MYO1D: variants seen among roughly 807,000 people sequenced by gnomAD.
MYO1D encodes myosin ID, also known as unconventional myosin-Id.
In MYO1D, 83 loss-of-function variants were observed where a neutral mutation model predicts 122.0. The observed-to-expected ratio is 0.68, with a 90% CI of 0.57 to 0.82. The LOEUF is 0.82. Ranked by LOEUF, MYO1D falls within the 40% of genes least tolerant of loss-of-function variation. MYO1D has a pLI of 0.00. For synonymous variants in MYO1D, 464 were observed against 446.9 expected (o/e 1.04, Z -0.48); for missense variants, 1,157 against 1,269.5 (o/e 0.91, Z 1.35).
At position 32,549,005 on chromosome 17, in the gene MYO1D, G is replaced by A. The variant is rs573194479; in HGVS notation, c.2865-54090C>T. Among the ~76,000 whole-genome samples the A allele has an allele frequency of 6.6e-5, 10 of 152,138 alleles. 1 individual carries two copies. Among genetic ancestry groups the A allele is most frequent in the South Asian group, 4.2e-4 (2 of 4,816 alleles). On this transcript the variant is annotated intron_variant, in intron 21 of 21. Transcript: ENST00000318217. ...TGGGATTACAGGCGTGAGCCACCGC[G>A]CCTGGCCGACTTTTAATTATTTTTA...
At position 32,788,054 on chromosome 17, in the gene MYO1D, C is replaced by CGT. The variant is rs149464476; in HGVS notation, c.96-7272_96-7271dup. Among the ~76,000 whole-genome samples the CGT allele has an allele frequency of 6.5e-3, 977 of 150,786 alleles. 13 individuals carry two copies. The highest frequency in any genetic ancestry group is 0.017 in the African/African-American group (693 of 41,194). ...CAATTGCAAATTGTACTGCTATAAACGTGTGTGTGTGTGTGTGTCTGTTTC... is the reference window on the plus strand; with the variant it reads ...CAATTGCAAATTGTACTGCTATAAACGTGTGTGTGTGTGTGTGTGTCTGTTTC... On this transcript the variant is annotated intron_variant, in intron 1 of 21. Transcript: ENST00000318217.
rs74380075 is a variant in MYO1D, at chr17:32,814,052, A to T, written c.96-33268T>A. Among the ~76,000 whole-genome samples, 669 of 152,328 alleles carry T rather than the reference A, an allele frequency of 4.4e-3. 18 individuals carry two copies. The highest frequency in any genetic ancestry group is 0.031 in the East Asian group (162 of 5,172). ...TGCCAGAGTTCAGGTCAGCCATCTA[A>T]AAAACACTTCTTGCCAGGAGTGGTG... On this transcript the variant is annotated intron_variant, in intron 1 of 21. Coordinates refer to ENST00000318217, the MANE Select transcript of MYO1D (RefSeq NM_015194.3).
Position 32,734,352 on chromosome 17 carries a change from CT to C in MYO1D, c.1746+3900del, listed in dbSNP as rs371907383. Among the ~76,000 whole-genome samples, 423 of 152,010 alleles carry C rather than the reference CT, an allele frequency of 2.8e-3. 3 individuals carry two copies. Among genetic ancestry groups the C allele is most frequent in the African/African-American group, 8.7e-3 (362 of 41,468 alleles). The stretch of plus-strand genomic sequence containing the variant: ...CCATAATGTCTGCACAGTAATAGCC[CT>C]TTTTTTGTTCATAATTTTTTAATTT... On this transcript the variant is annotated intron_variant, in intron 14 of 21. Transcript: ENST00000318217.
intron 1 of MYO1D, among the ~76,000 whole-genome samples, chr17:32,788,724 T>TG (rs1397722967): frequency 6.6e-6 from 1 of 152,190 alleles, no homozygotes; most frequent in Non-Finnish European, 1.5e-5. Context: ...AGTCTTGCTT[T>TG]GGGGGTGCAG....
At chr17:32,831,196 A>G (rs959137122) in intron 1 of MYO1D, among the ~76,000 whole-genome samples, 1 of 152,228 alleles carries the variant, frequency 6.6e-6, no homozygotes, top group Non-Finnish European at 1.5e-5. Flanking sequence ...GCAATTTAAT[A>G]GAGTGCTAAT....
intron 21 of MYO1D, among the ~76,000 whole-genome samples, chr17:32,534,792 C>T (rs1184287530): frequency 6.6e-6 from 1 of 151,980 alleles, no homozygotes; most frequent in Non-Finnish European, 1.5e-5. Context: ...CTCTTTACAC[C>T]CCGTAGATGT....
At chr17:32,557,695 G>A (rs1030223955) in intron 21 of MYO1D, among the ~76,000 whole-genome samples, 1 of 151,846 alleles carries the variant, frequency 6.6e-6, no homozygotes, top group Non-Finnish European at 1.5e-5. Flanking sequence ...CAGAGATGGG[G>A]TTTCGCTCAG....
At chr17:32,771,289 T>C in intron 5 of MYO1D, 69 bp from the exon 6 acceptor site, 2 of 1,084,286 alleles carry the variant, frequency 1.8e-6, no homozygotes, top group Non-Finnish European at 2.7e-6. Flanking sequence ...TTAGTGGTAA[T>C]CTAGCTTTTA....
chr17:32,647,117 C>T (rs556490884), intron 19 of MYO1D, among the ~76,000 whole-genome samples: 1 of 152,270 alleles, frequency 6.6e-6, no homozygotes, highest in Non-Finnish European at 1.5e-5. Flanking sequence ...TTAGTCAGTA[C>T]CACAGGGGGC....
intron 21 of MYO1D, chr17:32,497,957 T>C (rs1274724348): frequency 2.0e-5 from 3 of 152,272 alleles, no homozygotes; most frequent in Non-Finnish European, 4.4e-5. Flanking sequence ...GGACAGCCAG[T>C]TGGTCCTCTC....
chr17:32,640,168 T>C (rs2088175368), intron 19 of MYO1D, among the ~76,000 whole-genome samples: 1 of 152,136 alleles, frequency 6.6e-6, no homozygotes, highest in African/African-American at 2.4e-5. Context: ...GTGTCTGTAA[T>C]TGAGAGTAAA....
intron 1 of MYO1D, among the ~76,000 whole-genome samples, chr17:32,867,745 C>T (rs1008365289): frequency 2.1e-4 from 30 of 141,194 alleles, no homozygotes; most frequent in African/African-American, 7.0e-4. Context: ...TGCAGTGAGC[C>T]GAGAGATCAT....
At chr17:32,613,197 C>T (rs948071572) in intron 20 of MYO1D, among the ~76,000 whole-genome samples, 3 of 152,002 alleles carry the variant, frequency 2.0e-5, no homozygotes, top group Admixed American at 6.6e-5. Context: ...TCTTCTAGTT[C>T]TTACTAGGCA....
chr17:32,677,582 T>TAA (rs1241344760), intron 16 of MYO1D, among the ~76,000 whole-genome samples: 2 of 4,776 alleles, frequency 4.2e-4, no homozygotes, highest in Non-Finnish European at 4.1e-4. Context: ...GATAGATAAA[T>TAA]ATATATATAT....
intron 13 of MYO1D, among the ~76,000 whole-genome samples, chr17:32,739,638 TA>T (rs1253982482): frequency 2.6e-5 from 4 of 151,968 alleles, no homozygotes; most frequent in Non-Finnish European, 4.4e-5. Context: ...ACTAAAAGTA[TA>T]ATAAAAAAAA....
chr17:32,597,505 A>G (rs2087507987), intron 21 of MYO1D, among the ~76,000 whole-genome samples: 1 of 152,100 alleles, frequency 6.6e-6, no homozygotes, highest in Non-Finnish European at 1.5e-5. Flanking sequence ...AAAAAGTCAT[A>G]GGAGATATCT....
intron 1 of MYO1D, among the ~76,000 whole-genome samples, chr17:32,850,667 T>G (rs868424273): frequency 1.3e-5 from 2 of 152,192 alleles, no homozygotes; most frequent in Non-Finnish European, 2.9e-5. Flanking sequence ...GCTGTCTGAT[T>G]TTCTTTCTTC....
Position 32,775,973 on chromosome 17 carries a change from T to C in MYO1D, c.455A>G (p.Lys152Arg), listed in dbSNP as rs777175351. The part of the protein sequence containing the change: ...NCVLEAFGNA[K>R]TNRNDNSSRF... ...GCTTGAGTTGTCATTACGGTTGGTT[T>C]TGGCATTTCCAAAAGCTTCCAAAAC... The change falls in exon 4 of 22, where the codon AAA becomes AGA. Residue 152 changes from lysine to arginine, a missense_variant. By Grantham distance (26) the Lys-to-Arg change is conservative (BLOSUM62 2). Transcript: ENST00000318217. 8 of 1,614,006 alleles carry C rather than the reference T, an allele frequency of 5.0e-6. No homozygotes were observed. Among genetic ancestry groups the C allele is most frequent in the Admixed American group, 1.7e-5 (1 of 60,020 alleles).
At chr17:32,605,342 C>A in intron 20 of MYO1D, 101 bp from the exon 21 acceptor site, 2 of 1,119,888 alleles carry the variant, frequency 1.8e-6, no homozygotes, top group Non-Finnish European at 2.5e-6. Flanking sequence ...TGCCTGTAGT[C>A]CCAGCTACTT....
Sources: gnomAD v4.1 joint callset for allele counts (sites outside exome capture counted in the v4.1 genomes callset) on GRCh38, gnomAD v4.1.1 for gene constraint, MANE v1.5 for transcripts, NCBI Gene and HGNC (gene_info 2026-07-23, HGNC 2026-07-21) for gene names.